The following MACROD2 variants were observed in gnomAD, a reference collection of about 807,000 sequenced individuals.
MACROD2 encodes mono-ADP ribosylhydrolase 2, also known as ADP-ribose glycohydrolase MACROD2.
Under a neutral mutation model 70.4 loss-of-function variants are expected in MACROD2, and 36 were observed. That is an observed-to-expected ratio of 0.51 (90% CI 0.39 to 0.68). The LOEUF (loss-of-function observed/expected upper bound fraction) is 0.68, where lower values mean the gene tolerates loss of function less well. MACROD2 is among the 30% of genes least tolerant of loss of function. MACROD2 has a pLI of 0.00. For synonymous variants in MACROD2, 172 were observed against 178.8 expected (o/e 0.96, Z 0.30); for missense variants, 496 against 538.4 (o/e 0.92, Z 0.78).
chr20:15,544,440 G>A (rs2048000612), intron 8 of MACROD2, among the ~76,000 whole-genome samples: 1 of 152,294 alleles, frequency 6.6e-6, no homozygotes, highest in Non-Finnish European at 1.5e-5. Flanking sequence ...AATTTTCAGT[G>A]CATGCTCTGA....
chr20:15,350,212 T>A (rs190566012), intron 6 of MACROD2, among the ~76,000 whole-genome samples: 122 of 152,300 alleles, frequency 8.0e-4, no homozygotes, highest in Non-Finnish European at 1.3e-3. Flanking sequence ...CATTATAGCT[T>A]TGGTTGCTAG....
chr20:15,543,252 C>T (rs1363598531), intron 8 of MACROD2, among the ~76,000 whole-genome samples: 1 of 152,164 alleles, frequency 6.6e-6, no homozygotes, highest in East Asian at 1.9e-4. Flanking sequence ...GAGCATGTTA[C>T]TTAACTTTTC....
chr20:15,758,486 T>C (rs1188474905), intron 8 of MACROD2, among the ~76,000 whole-genome samples: 1 of 151,706 alleles, frequency 6.6e-6, no homozygotes, highest in African/African-American at 2.4e-5. Flanking sequence ...GTGATCCGAC[T>C]GCCTCAGCCT....
chr20:14,596,782 A>G (rs1206963554), intron 4 of MACROD2, among the ~76,000 whole-genome samples: 3 of 152,204 alleles, frequency 2.0e-5, no homozygotes, highest in Non-Finnish European at 2.9e-5. Context: ...AAGTTTGCCC[A>G]TCTGTACCAT....
intron 4 of MACROD2, among the ~76,000 whole-genome samples, chr20:14,665,100 TTA>T (rs1203219430): frequency 1.3e-5 from 2 of 152,166 alleles, no homozygotes; most frequent in Non-Finnish European, 2.9e-5. Context: ...GTCATCATTA[TTA>T]CAGGTGACTC....
At chr20:15,706,874 A>G (rs954800287) in intron 8 of MACROD2, among the ~76,000 whole-genome samples, 2 of 152,216 alleles carry the variant, frequency 1.3e-5, no homozygotes, top group African/African-American at 2.4e-5. Context: ...CTGACATCAC[A>G]GGAAGATTTT....
rs890750675 is a variant in MACROD2, at chr20:14,005,053, G to C, written c.163+2649G>C. ...TGCTTCTTGTTATTATAATACAATA[G>C]AAAGTTAAATAAAAAAGAGGGGAGC... On this transcript the variant is annotated intron_variant, in intron 2 of 17. Coordinates refer to ENST00000684519, the MANE Select transcript of MACROD2 (RefSeq NM_001351661.2). Among the ~76,000 whole-genome samples the C allele has an allele frequency of 2.6e-5, 4 of 151,944 alleles. No homozygotes were observed. The East Asian group carries it at 7.7e-4, about 29-fold the overall frequency.
chr20:14,754,561 C>T (rs984983104), intron 5 of MACROD2, among the ~76,000 whole-genome samples: 1 of 151,950 alleles, frequency 6.6e-6, no homozygotes, highest in African/African-American at 2.4e-5. Context: ...CACAGAGTCT[C>T]TTTTCATCTG....
At position 14,692,329 on chromosome 20, in the gene MACROD2, C is replaced by T. The variant is rs1189797546; in HGVS notation, c.418+7370C>T. On this transcript the variant is annotated intron_variant, in intron 5 of 17. Coordinates refer to ENST00000684519, the MANE Select transcript of MACROD2 (RefSeq NM_001351661.2). ...TTACAACACAGGTATCCATTTGGGT[C>T]ACAGATTAGGGCTTTTTTTGAAGAG... 1.3e-5 allele frequency among the ~76,000 whole-genome samples: 2 copies of T among 152,196 alleles called. 1 individual carries two copies. The highest frequency in any genetic ancestry group is 4.8e-5 in the African/African-American group (2 of 41,450).
intron 3 of MACROD2, among the ~76,000 whole-genome samples, chr20:14,205,819 C>G (rs2081518476): frequency 6.6e-6 from 1 of 152,176 alleles, no homozygotes; most frequent in African/African-American, 2.4e-5. Context: ...TGGCTTGCCT[C>G]TCTGCTATAG....
rs148910655 is a variant in MACROD2 at position 16,032,307 on chromosome 20, C to T, written c.1154-8894C>T. ...ACTACCAATCGGGTGCTATGCTTAC[C>T]ACCAGGGTGACAGGATCCGTACTCC... On this transcript the variant is annotated intron_variant, in intron 15 of 17. Transcript: ENST00000684519. Among the ~76,000 whole-genome samples the T allele has an allele frequency of 4.0e-3, 613 of 152,032 alleles. 8 individuals carry two copies. Among genetic ancestry groups the T allele is most frequent in the Middle Eastern group, 0.014 (4 of 294 alleles).
intron 5 of MACROD2, among the ~76,000 whole-genome samples, chr20:14,854,973 A>T (rs1331032874): frequency 2.0e-5 from 3 of 152,096 alleles, no homozygotes; most frequent in African/African-American, 4.8e-5. Context: ...CCGAGATCGC[A>T]CCACTGCACT....
chr20:14,570,934 A>G (rs6110334), intron 4 of MACROD2, among the ~76,000 whole-genome samples: 21,214 of 152,000 alleles, frequency 0.14, 1,842 homozygotes, highest in East Asian at 0.26. Context: ...CTTCTCCTTC[A>G]TCTACCCCAA....
intron 5 of MACROD2, among the ~76,000 whole-genome samples, chr20:14,807,699 A>T (rs1472663392): frequency 6.6e-6 from 1 of 152,142 alleles, no homozygotes; most frequent in East Asian, 1.9e-4. Flanking sequence ...CCTTGATAAA[A>T]GGTTAGAGGA....
chr20:16,010,135 A>G (rs1167567265), intron 15 of MACROD2, among the ~76,000 whole-genome samples: 2 of 152,208 alleles, frequency 1.3e-5, no homozygotes, highest in Non-Finnish European at 2.9e-5. Flanking sequence ...CATTTAAATT[A>G]TTACGAAAAT....
intron 7 of MACROD2, among the ~76,000 whole-genome samples, chr20:15,440,341 C>T (rs955653810): frequency 6.6e-6 from 1 of 152,142 alleles, no homozygotes; most frequent in Admixed American, 6.6e-5. Context: ...GCTGAAGCAG[C>T]TCTCGTGTTT....
intron 2 of MACROD2, among the ~76,000 whole-genome samples, chr20:14,048,004 A>ATTT (rs143046922): frequency 1.4e-5 from 2 of 148,066 alleles, no homozygotes; most frequent in Non-Finnish European, 3.0e-5. Flanking sequence ...TTGGCATTTG[A>ATTT]TTTTTTTTTC....
At chr20:15,207,844 T>G (rs2076725211) in intron 5 of MACROD2, among the ~76,000 whole-genome samples, 1 of 152,198 alleles carries the variant, frequency 6.6e-6, no homozygotes, top group African/African-American at 2.4e-5. Flanking sequence ...TCAAGATTTT[T>G]TCTTTGTTTT....
chr20:15,397,923 G>A (rs532874625), intron 6 of MACROD2, among the ~76,000 whole-genome samples: 4 of 152,252 alleles, frequency 2.6e-5, no homozygotes, highest in South Asian at 4.2e-4. Flanking sequence ...TCCCTTCTCC[G>A]TGGGCCAATT....
Sources: gnomAD v4.1 joint callset for allele counts (sites outside exome capture counted in the v4.1 genomes callset) on GRCh38, gnomAD v4.1.1 for gene constraint, MANE v1.5 for transcripts, NCBI Gene and HGNC (gene_info 2026-07-23, HGNC 2026-07-21) for gene names.